ACBD6: variants seen among roughly 807,000 people sequenced by gnomAD.
The protein encoded by ACBD6 is acyl-CoA-binding domain-containing protein 6.
A neutral mutation model predicts 37.2 loss-of-function variants in ACBD6; 28 were observed. That is an observed-to-expected ratio of 0.75 (90% CI 0.56 to 1.03). The LOEUF (loss-of-function observed/expected upper bound fraction) is 1.03, where lower values mean the gene tolerates loss of function less well. Ranked by LOEUF, ACBD6 falls within the 50% of genes least tolerant of loss-of-function variation. The pLI is 0.00. For synonymous variants in ACBD6, 113 were observed against 126.8 expected (o/e 0.89, Z 0.73); for missense variants, 340 against 337.4 (o/e 1.01, Z -0.06).
intron 6 of ACBD6, among the ~76,000 whole-genome samples, chr1:180,318,789 C>T (rs571899561): frequency 6.6e-6 from 1 of 152,280 alleles, no homozygotes; most frequent in Admixed American, 6.5e-5. Context: ...ATCTCTACCC[C>T]ATAGGTATTG....
intron 4 of ACBD6, 50 bp from the exon 5 acceptor site, chr1:180,413,521 T>G (rs759882510): frequency 7.3e-7 from 1 of 1,362,658 alleles, no homozygotes; most frequent in African/African-American, 1.4e-5. Flanking sequence ...TACATTAAAG[T>G]TACATATTTT....
At chr1:180,413,656 T>C (rs1647956374) in intron 4 of ACBD6, among the ~76,000 whole-genome samples, 185 bp from the exon 5 acceptor site, 1 of 152,158 alleles carries the variant, frequency 6.6e-6, no homozygotes, top group Non-Finnish European at 1.5e-5. Context: ...CTAAAGTTCT[T>C]AGTTTCCTAC....
At chr1:180,351,366 C>G (rs562080699) in intron 6 of ACBD6, among the ~76,000 whole-genome samples, 2 of 151,896 alleles carry the variant, frequency 1.3e-5, no homozygotes, top group South Asian at 4.2e-4. Flanking sequence ...ACCTCTGCCT[C>G]CTGGGTTCAA....
intron 7 of ACBD6, among the ~76,000 whole-genome samples, chr1:180,294,323 G>A (rs1458137434): frequency 6.6e-6 from 1 of 151,986 alleles, no homozygotes; most frequent in Non-Finnish European, 1.5e-5. Context: ...CAGATTGCCT[G>A]AGGTCAGGAG....
intron 5 of ACBD6, among the ~76,000 whole-genome samples, chr1:180,412,291 T>C (rs1350596481): frequency 3.9e-5 from 6 of 152,190 alleles, no homozygotes. Context: ...AGGAAAGATG[T>C]TGCCTAAAGG....
chr1:180,492,612 AAC>A (rs1292096741), intron 2 of ACBD6, among the ~76,000 whole-genome samples: 1 of 152,204 alleles, frequency 6.6e-6, no homozygotes, highest in Non-Finnish European at 1.5e-5. Flanking sequence ...AAATTTTAAA[AAC>A]ACAGATACAA....
At chr1:180,419,355 T>C (rs918179938) in intron 4 of ACBD6, among the ~76,000 whole-genome samples, 2 of 152,372 alleles carry the variant, frequency 1.3e-5, no homozygotes, top group East Asian at 3.9e-4. Context: ...TTTTTCATGT[T>C]AACATCTCCT....
intron 6 of ACBD6, among the ~76,000 whole-genome samples, chr1:180,318,086 C>A (rs545021800): frequency 1.4e-5 from 2 of 146,676 alleles, no homozygotes; most frequent in Admixed American, 7.1e-5. Flanking sequence ...TGCTTGAACC[C>A]AGGAGATGGA....
chr1:180,349,067 A>T (rs1220655264), intron 6 of ACBD6, among the ~76,000 whole-genome samples: 1 of 151,854 alleles, frequency 6.6e-6, no homozygotes, highest in Non-Finnish European at 1.5e-5. Flanking sequence ...CCATTTTAGG[A>T]TGTTGCGAGA....
chr1:180,416,607 T>C (rs1190710679), intron 4 of ACBD6, among the ~76,000 whole-genome samples: 2 of 152,184 alleles, frequency 1.3e-5, no homozygotes, highest in Admixed American at 1.3e-4. Flanking sequence ...AAACAGAAAG[T>C]CTCTTCTTCA....
intron 7 of ACBD6, among the ~76,000 whole-genome samples, chr1:180,313,362 G>C (rs1195361995): frequency 6.6e-6 from 1 of 152,132 alleles, no homozygotes; most frequent in African/African-American, 2.4e-5. Context: ...TAGTATAATA[G>C]CTAGTCCAAT....
At chr1:180,271,244 G>C in exon 14 of ACBD6, 1 of 950,992 alleles carries the variant, frequency 1.1e-6, no homozygotes, top group Non-Finnish European at 1.7e-6. Context: ...TCTCCACTCT[G>C]ATGTCCCCTG....
chr1:180,344,335 C>A (rs1258242435), intron 6 of ACBD6, among the ~76,000 whole-genome samples: 1 of 151,828 alleles, frequency 6.6e-6, no homozygotes, highest in African/African-American at 2.4e-5. Context: ...GCATGCCAAC[C>A]AGTAGGTTTT....
intron 2 of ACBD6, 50 bp from the exon 3 acceptor site, chr1:180,492,415 A>C: frequency 7.2e-7 from 1 of 1,387,282 alleles, no homozygotes; most frequent in Non-Finnish European, 1.0e-6. Flanking sequence ...AATAACACAA[A>C]CAGCATTTTT....
chr1:180,473,446 C>CA (rs5779059), intron 3 of ACBD6, among the ~76,000 whole-genome samples: 24,366 of 80,920 alleles, frequency 0.3, 3,091 homozygotes, highest in Middle Eastern at 0.39. Context: ...GACTCCGTCT[C>CA]AAAAAAAAAA....
intron 4 of ACBD6, among the ~76,000 whole-genome samples, chr1:180,417,215 T>G (rs1394991699): frequency 6.6e-6 from 1 of 152,192 alleles, no homozygotes; most frequent in African/African-American, 2.4e-5. Flanking sequence ...GATAAATGTA[T>G]TCTTTACTAA....
chr1:180,272,355 T>A (rs989387365), intron 13 of ACBD6, among the ~76,000 whole-genome samples: 1 of 152,138 alleles, frequency 6.6e-6, no homozygotes, highest in Non-Finnish European at 1.5e-5. Flanking sequence ...CCCTCTCCCA[T>A]CTTTGTCCCC....
intron 7 of ACBD6, 116 bp from the exon 8 acceptor site, chr1:180,288,633 T>C: frequency 8.3e-7 from 1 of 1,207,908 alleles, no homozygotes; most frequent in East Asian, 2.6e-5. Flanking sequence ...ATGAGCAATG[T>C]TACAGTGACT....
chr1:180,303,542 C>G (rs2149285072), intron 7 of ACBD6, among the ~76,000 whole-genome samples: 1 of 150,806 alleles, frequency 6.6e-6, no homozygotes. Flanking sequence ...TACACCCTCC[C>G]AAGACTAAAC....
Sources: allele counts gnomAD v4.1 joint callset (sites outside exome capture counted in the v4.1 genomes callset), GRCh38; gene constraint gnomAD v4.1.1; transcripts MANE v1.5; gene names NCBI Gene and HGNC (gene_info 2026-07-23, HGNC 2026-07-21).